DNAH6: variants seen among roughly 807,000 people sequenced by gnomAD.
DNAH6 encodes the protein dynein axonemal heavy chain 6, also known as axonemal beta dynein heavy chain 6.
A neutral mutation model predicts 491.4 loss-of-function variants in DNAH6; 340 were observed. That is an observed-to-expected ratio of 0.69 (90% CI 0.63 to 0.76). DNAH6 has a LOEUF of 0.76. Ranked by LOEUF, DNAH6 falls within the 30% of genes least tolerant of loss-of-function variation. The pLI, the probability that DNAH6 is intolerant of heterozygous loss-of-function variation, is 0.00. For missense variants in DNAH6, 4,443 were observed against 4,972.2 expected (o/e 0.89, Z 3.20); for synonymous variants, 1,603 against 1,686.1 (o/e 0.95, Z 1.21).
intron 5 of DNAH6, 78 bp from the exon 6 acceptor site, chr2:84,547,190 A>C: frequency 1.6e-6 from 2 of 1,243,768 alleles, no homozygotes; most frequent in Non-Finnish European, 2.2e-6. Context: ...CTTAATAACT[A>C]TTCTTGCTTT....
chr2:84,503,658 A>C, the DNAH6 span, among the ~76,000 whole-genome samples: 1 of 149,466 alleles, frequency 6.7e-6, no homozygotes, highest in Admixed American at 6.7e-5. Context: ...GGATATTTTC[A>C]CCAGACAAAC....
chr2:84,630,127 TAAA>T (rs1437090693), intron 29 of DNAH6, among the ~76,000 whole-genome samples: 1 of 152,096 alleles, frequency 6.6e-6, no homozygotes. Flanking sequence ...TTTGGGGTAA[TAAA>T]AAAGTTGATG....
intron 33 of DNAH6, among the ~76,000 whole-genome samples, chr2:84,643,109 T>C (rs1453934603): frequency 1.3e-5 from 2 of 152,106 alleles, no homozygotes; most frequent in East Asian, 1.9e-4. Context: ...AAAGTCTTTA[T>C]TTCTCCTTCA....
chr2:84,531,808 A>G (rs1677201272), intron 4 of DNAH6, among the ~76,000 whole-genome samples: 1 of 152,050 alleles, frequency 6.6e-6, no homozygotes, highest in Non-Finnish European at 1.5e-5. Context: ...GAATTAACAT[A>G]TAATGTAATT....
At chr2:84,626,472 A>G (rs753239968) in intron 29 of DNAH6, among the ~76,000 whole-genome samples, 1 of 152,192 alleles carries the variant, frequency 6.6e-6, no homozygotes, top group Non-Finnish European at 1.5e-5. Flanking sequence ...TAATAGAATA[A>G]TTGGCCCCAC....
chr2:84,547,281 CTCT>C lies in DNAH6; in HGVS notation c.949_951del (p.Leu317del), dbSNP rs1678876822. 2 of 1,540,656 alleles carry C rather than the reference CTCT, an allele frequency of 1.3e-6. No homozygotes were observed. The highest frequency in any genetic ancestry group is 1.8e-6 in the Non-Finnish European group (2 of 1,142,684). ...ATTTTCATTCAGCATTTGCGACCAG[CTCT>C]TCTTAAAATAAATGAATTGTGTTAT... On this transcript the variant is annotated inframe_deletion, in exon 6 of 77. Coordinates refer to ENST00000389394, the MANE Select transcript of DNAH6 (RefSeq NM_001370.2).
chr2:84,545,178 T>A (rs1244931605), intron 5 of DNAH6, among the ~76,000 whole-genome samples: 1 of 152,206 alleles, frequency 6.6e-6, no homozygotes, highest in African/African-American at 2.4e-5. Flanking sequence ...GTTTGCTTTT[T>A]ACTAGTCATT....
intron 44 of DNAH6, among the ~76,000 whole-genome samples, chr2:84,687,277 G>A (rs902475225): frequency 1.3e-5 from 2 of 152,064 alleles, no homozygotes; most frequent in African/African-American, 2.4e-5. Context: ...TTTTACTAAG[G>A]TGCCTCTTGT....
At chr2:84,818,403 G>C (rs891705303) in intron 76 of DNAH6, among the ~76,000 whole-genome samples, 1 of 140,892 alleles carries the variant, frequency 7.1e-6, no homozygotes, top group Non-Finnish European at 1.5e-5. Flanking sequence ...CAGGAGGATC[G>C]CTTGAGTCCA....
chr2:84,534,150 T>C (rs73945111), intron 4 of DNAH6, among the ~76,000 whole-genome samples: 1,852 of 152,172 alleles, frequency 0.012, 40 homozygotes, highest in African/African-American at 0.042. Flanking sequence ...CAGTCAGTGG[T>C]TCCAGATGCT....
chr2:84,627,474 T>C (rs1687989443), intron 29 of DNAH6, among the ~76,000 whole-genome samples: 1 of 152,204 alleles, frequency 6.6e-6, no homozygotes, highest in African/African-American at 2.4e-5. Context: ...AAGGCCTCAC[T>C]TCATTGTATT....
intron 71 of DNAH6, among the ~76,000 whole-genome samples, chr2:84,808,131 A>ATGTG (rs35839006): frequency 0.024 from 3,415 of 141,216 alleles, 43 homozygotes; most frequent in Middle Eastern, 0.037. Flanking sequence ...GTGTATATAT[A>ATGTG]TGTGTGTGTG....
At chr2:84,495,232 G>A in the DNAH6 span, among the ~76,000 whole-genome samples, 21 of 152,122 alleles carry the variant, frequency 1.4e-4, no homozygotes, top group African/African-American at 4.6e-4. Flanking sequence ...TGGCAGTCTC[G>A]GCTCACTGCA....
At chr2:84,545,703 G>A (rs1678707813) in intron 5 of DNAH6, among the ~76,000 whole-genome samples, 1 of 152,050 alleles carries the variant, frequency 6.6e-6, no homozygotes, top group Non-Finnish European at 1.5e-5. Flanking sequence ...CAGACTCATT[G>A]CAGTCGTTTA....
the DNAH6 span, among the ~76,000 whole-genome samples, chr2:84,483,651 C>A: frequency 6.6e-6 from 1 of 152,026 alleles, no homozygotes; most frequent in African/African-American, 2.4e-5. Flanking sequence ...GAAAGCACAG[C>A]AAAGTTTATG....
intron 66 of DNAH6, among the ~76,000 whole-genome samples, chr2:84,785,239 G>A (rs1005983066): frequency 3.3e-5 from 5 of 152,206 alleles, no homozygotes; most frequent in Non-Finnish European, 7.3e-5. Flanking sequence ...CCTGTCCCAC[G>A]TCATGGGACA....
intron 64 of DNAH6, among the ~76,000 whole-genome samples, chr2:84,764,429 AG>A (rs1674879303): frequency 6.6e-6 from 1 of 152,220 alleles, no homozygotes; most frequent in Admixed American, 6.5e-5. Flanking sequence ...AACCATGAAA[AG>A]ATGCCATTTC....
Position 84,573,483 on chromosome 2 carries a change from C to T in DNAH6, c.1820C>T (p.Ala607Val), listed in dbSNP as rs756836767. ...AACATTTAGGAAACCATTCAGGCCG[C>T]ATTTGAATCAGCCCGCATCTATGCA... The part of the protein sequence containing the change: ...ISQIKETIQA[A>V]FESARIYAAT... The change falls in exon 12 of 77, where the codon GCA becomes GTA. Residue 607 changes from alanine (A) to valine (V), a missense_variant. Around this residue, in one of 3 missense-constraint regions of DNAH6, gnomAD observed 2,977 missense variants for 3,296.6 expected, o/e 0.90. Transcript: ENST00000389394. The T allele has an allele frequency of 1.3e-6, 2 of 1,581,902 alleles. No individual in the cohort carries two copies. Among genetic ancestry groups the T allele is most frequent in the African/African-American group, 2.7e-5 (2 of 72,904 alleles).
In DNAH6 at chr2:84,624,469, A is replaced by G; in HGVS notation, c.4202A>G (p.Glu1401Gly). 1 of 1,551,738 alleles carries G rather than the reference A, an allele frequency of 6.4e-7. No homozygotes were observed. Among genetic ancestry groups the G allele is most frequent in the Non-Finnish European group, 8.7e-7 (1 of 1,146,928 alleles). ...IVTELVQSKV[E>G]TVESFDWQRQ... ...TAATATGTATATCACATATAGGTGG[A>G]GACAGTTGAATCTTTTGACTGGCAG... Residue 1401 changes from glutamate (E) to glycine (G), a missense_variant, in exon 28 of 77, where the codon GAG becomes GGG. Coordinates refer to ENST00000389394, the MANE Select transcript of DNAH6 (RefSeq NM_001370.2).
Sources: allele counts gnomAD v4.1 joint callset (sites outside exome capture counted in the v4.1 genomes callset), GRCh38; gene constraint gnomAD v4.1.1; regional missense constraint gnomAD v4.1.1; transcripts MANE v1.5; gene names NCBI Gene and HGNC (gene_info 2026-07-23, HGNC 2026-07-21).